ABCA7: variants seen among roughly 807,000 people sequenced by gnomAD.
ABCA7 encodes ATP binding cassette subfamily A member 7.
A neutral mutation model predicts 227.6 loss-of-function variants in ABCA7; 261 were observed. The observed-to-expected ratio is 1.15, with a 90% CI of 1.04 to 1.27. The LOEUF (loss-of-function observed/expected upper bound fraction) is 1.27. ABCA7 is among the 50% of genes most tolerant of loss of function. ABCA7 has a pLI of 0.00. For missense variants in ABCA7, 3,331 were observed against 2,924.5 expected (o/e 1.14, Z -3.21); for synonymous variants, 1,488 against 1,279.7 (o/e 1.16, Z -3.47).
At chr19:1,055,978 C>T (rs1599685196) in intron 31 of ABCA7, 39 bp downstream of exon 31, 1 of 1,571,038 alleles carries the variant, frequency 6.4e-7, no homozygotes, top group Non-Finnish European at 8.6e-7. Context: ...TGCCCCAGTT[C>T]CACTCCCATG....
chr19:1,043,214 G>T lies in ABCA7; in HGVS notation c.753G>T (p.Gly251=), dbSNP rs1335030719. 6.2e-7 allele frequency: 1 copy of T among 1,608,200 alleles called. No homozygotes were observed. Among genetic ancestry groups the T allele is most frequent in the Non-Finnish European group, 8.5e-7 (1 of 1,176,132 alleles). Residue 251 remains glycine, a synonymous_variant, in exon 8 of 47, where the codon GGG becomes GGT. Transcript: ENST00000263094. ...YEASDLMELV[G]QEPESALPDS... Reference sequence around the variant, plus strand: ...CTAGTGACCTGATGGAGCTGGTGGGGCAGGAGCCAGAATCCGCCCTGCCAG... The same window carrying T: ...CTAGTGACCTGATGGAGCTGGTGGGTCAGGAGCCAGAATCCGCCCTGCCAG...
chr19:1,047,686 G>T, intron 16 of ABCA7, 32 bp downstream of exon 16: 3 of 1,551,928 alleles, frequency 1.9e-6, no homozygotes, highest in Non-Finnish European at 2.6e-6. Context: ...TCCGGGCCGG[G>T]TCGCACCTGC....
Position 1,064,241 on chromosome 19 carries a change from AT to A in ABCA7, c.6033del (p.Leu2012SerfsTer11). ...TTCCGCTGCCTGGGCAGCCCGCAAC[AT>A]CTCAAGGGCAGGTGAGCCGGCGCGG... Reference protein sequence around the residue: ...GRFRCLGSPQHLKGRFAAGHT... With the variant: ...GRFRCLGSPQXLKGRFAAGHT... On this transcript the variant is annotated frameshift_variant, in exon 45 of 47. Coordinates refer to ENST00000263094, the MANE Select transcript of ABCA7 (RefSeq NM_019112.4). LOFTEE classifies it high-confidence loss of function. 1 of 1,564,534 alleles carries A rather than the reference AT, an allele frequency of 6.4e-7. No homozygotes were observed. The highest frequency in any genetic ancestry group is 1.2e-5 in the South Asian group (1 of 85,154).
At chr19:1,058,562 A>G in intron 37 of ABCA7, 56 bp from the exon 38 acceptor site, 2 of 1,599,394 alleles carry the variant, frequency 1.3e-6, no homozygotes, top group Non-Finnish European at 1.7e-6. Context: ...ATGGATGGAG[A>G]AAGGGCCAGA....
chr19:1,053,300 C>T (rs3829687), intron 23 of ABCA7, 29 bp from the exon 24 acceptor site: 702,732 of 1,592,008 alleles, frequency 0.44, 156,685 homozygotes, highest in African/African-American at 0.58. Flanking sequence ...TGAGCCGGGG[C>T]TCCCTGAAGC....
chr19:1,050,674 G>A (rs2041497880), intron 18 of ABCA7, among the ~76,000 whole-genome samples: 1 of 150,346 alleles, frequency 6.7e-6, no homozygotes, highest in Admixed American at 6.6e-5. Flanking sequence ...CAGCTACTCG[G>A]GAGGCTGAGG....
chr19:1,058,954 G>C lies in ABCA7; in HGVS notation c.5400+14G>C. ...AACTTGACCAAGGTAGGTGTGGTCA[G>C]GTCGACTGCTGGGTGGGGGGTGCTC... On this transcript the variant is annotated intron_variant, in intron 39 of 46. Coordinates refer to ENST00000263094, the MANE Select transcript of ABCA7 (RefSeq NM_019112.4). 6.2e-7 allele frequency: 1 copy of C among 1,610,788 alleles called. No individual in the cohort carries two copies. Among genetic ancestry groups the C allele is most frequent in the Non-Finnish European group, 8.5e-7 (1 of 1,177,754 alleles).
In ABCA7 at chr19:1,052,209, C is replaced by T. The variant is rs370429500; in HGVS notation, c.3148-5C>T. Reference sequence around the variant, plus strand: ...CCAAGCCACTTGGTGCCTCTCTGCCCGCAGGCTGACACTGACATGGAGGGC... The same window carrying T: ...CCAAGCCACTTGGTGCCTCTCTGCCTGCAGGCTGACACTGACATGGAGGGC... On this transcript the variant is annotated splice_region_variant and splice_polypyrimidine_tract_variant and intron_variant, in intron 22 of 46. Transcript: ENST00000263094. 309 of 1,589,362 alleles carry T rather than the reference C, an allele frequency of 1.9e-4. 1 individual carries two copies. Among genetic ancestry groups the T allele is most frequent in the Non-Finnish European group, 2.3e-4 (264 of 1,169,106 alleles).
rs772514393 is a variant in ABCA7, at chr19:1,056,891, A to G, written c.4587-16A>G. ...GCACCCTCACCCTACAACAGCTCTC[A>G]TGTCTTCACCTCCAGGATGGCCTCC... On this transcript the variant is annotated splice_polypyrimidine_tract_variant and intron_variant, in intron 33 of 46. Coordinates refer to ENST00000263094, the MANE Select transcript of ABCA7 (RefSeq NM_019112.4). This position sits in a 1 kb window ranked among gnomAD's most constrained non-coding sequence, Gnocchi z 4.3. The G allele has an allele frequency of 1.2e-6, 2 of 1,609,842 alleles. No homozygotes were observed. The highest frequency in any genetic ancestry group is 1.3e-5 in the African/African-American group (1 of 74,842).
In ABCA7 at chr19:1,055,094, C is replaced by A; in HGVS notation, c.3951-3C>A. 1 of 1,610,320 alleles carries A rather than the reference C, an allele frequency of 6.2e-7. No individual in the cohort carries two copies. Among genetic ancestry groups the A allele is most frequent in the Non-Finnish European group, 8.5e-7 (1 of 1,177,950 alleles). ...TTGAGTGTGCACAGCCCATTGTCTG[C>A]AGGTTCTCGGCACCAGAAGTTCCTG... On this transcript the variant is annotated splice_polypyrimidine_tract_variant and splice_region_variant and intron_variant, in intron 29 of 46. Transcript: ENST00000263094.
chr19:1,054,621 G>C lies in ABCA7; in HGVS notation c.3778G>C (p.Val1260Leu). The change falls in exon 28 of 47, where the codon GTG becomes CTG. Residue 1260 changes from valine (V) to leucine (L), a missense_variant. Val to Leu is a conservative substitution (Grantham distance 32). Transcript: ENST00000263094. This position sits in a 1 kb window ranked among gnomAD's most constrained non-coding sequence, Gnocchi z 4.8. ...VGLALVFSLI[V>L]PPFGHYPALR... ...CCTGGCCCTCGTGTTCAGCCTCATCGTGCCTCCTTTCGGGCACTACCCGGC... is the reference window on the plus strand; with the variant it reads ...CCTGGCCCTCGTGTTCAGCCTCATCCTGCCTCCTTTCGGGCACTACCCGGC... 1 of 1,613,324 alleles carries C rather than the reference G, an allele frequency of 6.2e-7. No individual in the cohort carries two copies. The highest frequency in any genetic ancestry group is 8.5e-7 in the Non-Finnish European group (1 of 1,179,950).
rs2144956023 is a variant in ABCA7, at chr19:1,062,304, G to A, written c.5703G>A (p.Gln1901=). The A allele has an allele frequency of 6.2e-7, 1 of 1,604,020 alleles. No individual in the cohort carries two copies. The highest frequency in any genetic ancestry group is 1.7e-5 in the Admixed American group (1 of 59,952). Residue 1901 remains glutamine (Q), a synonymous_variant, in exon 42 of 47, where the codon CAG becomes CAA. Transcript: ENST00000263094. ...GCCTGCGCGGTGTCCCGGAGGCCCAGGTTGCCCAGGTGAGCCCACTTTGTC... is the reference window on the plus strand; with the variant it reads ...GCCTGCGCGGTGTCCCGGAGGCCCAAGTTGCCCAGGTGAGCCCACTTTGTC... ...LARLRGVPEA[Q]VAQTAGSGLA...
intron 6 of ABCA7, 27 bp downstream of exon 6, chr19:1,042,424 G>A (rs1360430943): frequency 5.0e-6 from 8 of 1,609,680 alleles, no homozygotes; most frequent in Non-Finnish European, 1.7e-6. Context: ...GGACCGCGCT[G>A]ACTTCCTGGG....
At chr19:1,057,777 G>GAAAAA in intron 35 of ABCA7, 138 bp from the exon 36 acceptor site, 2 of 981,118 alleles carry the variant, frequency 2.0e-6, no homozygotes, top group East Asian at 2.8e-5. Flanking sequence ...AAGAGAGAAA[G>GAAAAA]AAAAAAAAAA....
chr19:1,051,839 A>G, intron 21 of ABCA7, 103 bp from the exon 22 acceptor site: 13 of 1,451,500 alleles, frequency 9.0e-6, no homozygotes, highest in Non-Finnish European at 1.2e-5. Flanking sequence ...TGAGGGATGA[A>G]TAGGAGTTTG....
At chr19:1,053,660 A>C (rs1359664282) in intron 24 of ABCA7, 128 bp from the exon 25 acceptor site, 41 of 1,510,858 alleles carry the variant, frequency 2.7e-5, no homozygotes, top group Non-Finnish European at 3.5e-5. Flanking sequence ...GCACATGAGG[A>C]GCTCTGGTGG....
At chr19:1,064,309 C>A in intron 45 of ABCA7, 56 bp downstream of exon 45, 1 of 1,491,428 alleles carries the variant, frequency 6.7e-7, no homozygotes, top group East Asian at 2.5e-5. Context: ...CGTAGGTAGG[C>A]TCAGGGGAGA....
At chr19:1,053,247 C>G in intron 23 of ABCA7, 82 bp from the exon 24 acceptor site, 1 of 1,418,158 alleles carries the variant, frequency 7.1e-7, no homozygotes, top group Non-Finnish European at 9.6e-7. Flanking sequence ...AGTCCCCTCA[C>G]AGGTCACCAA....
chr19:1,044,672 C>T lies in ABCA7; in HGVS notation c.1143C>T (p.Ser381=), dbSNP rs1205383798. The change falls in exon 11 of 47, where the codon AGC becomes AGT. Residue 381 remains serine, a synonymous_variant. Transcript: ENST00000263094. The stretch of plus-strand genomic sequence containing the variant: ...TGCGATCCTTTCTGGACCCTGGGAG[C>T]GGTGGCTACAGCTGGCAGGACGCAC... ...EALRSFLDPG[S]GGYSWQDAHA... 2.1e-5 allele frequency: 34 copies of T among 1,612,990 alleles called. No homozygotes were observed. Among genetic ancestry groups the T allele is most frequent in the Non-Finnish European group, 2.9e-5 (34 of 1,179,964 alleles).
Sources: gnomAD v4.1 joint callset for allele counts (sites outside exome capture counted in the v4.1 genomes callset) on GRCh38, gnomAD v4.1.1 for gene constraint, Gnocchi (gnomAD v3.1) non-coding constraint, MANE v1.5 for transcripts, NCBI Gene and HGNC (gene_info 2026-07-23, HGNC 2026-07-21) for gene names.